DBN1: variants seen among roughly 807,000 people sequenced by gnomAD.
DBN1 encodes the protein drebrin.
Under a neutral mutation model 83.5 loss-of-function variants are expected in DBN1, and 21 were observed. The observed-to-expected ratio is 0.25, with a 90% CI of 0.18 to 0.36. The LOEUF (loss-of-function observed/expected upper bound fraction) is 0.36, where lower values mean the gene tolerates loss of function less well. Ranked by LOEUF, DBN1 falls within the 10% of genes least tolerant of loss-of-function variation. The pLI, the probability that DBN1 is intolerant of heterozygous loss-of-function variation, is 1.00. For synonymous variants in DBN1, 381 were observed against 384.9 expected, an observed-to-expected ratio of 0.99 and a Z score of 0.12; for missense variants, 874 against 935.7, an observed-to-expected ratio of 0.93 and a Z score of 0.86.
At chr5:177,472,037 T>C in intron 1 of DBN1, 1 of 1,480,868 alleles carries the variant, frequency 6.8e-7, no homozygotes, top group Non-Finnish European at 9.1e-7. Context: ...CCTCCCATGA[T>C]CTCAGCCCCC....
At chr5:177,473,341 C>T in intron 1 of DBN1, 95 bp downstream of exon 1, 1 of 724,944 alleles carries the variant, frequency 1.4e-6, no homozygotes, top group South Asian at 3.1e-5. Flanking sequence ...GGGTCCCCCT[C>T]CCTTCCCGGC....
At chr5:177,458,966 G>A in intron 12 of DBN1, 132 bp downstream of exon 12, 1 of 1,448,558 alleles carries the variant, frequency 6.9e-7, no homozygotes, top group South Asian at 1.4e-5. Context: ...TCCCCACACA[G>A]CCGCCTCCAG....
In DBN1 at chr5:177,473,422, G is replaced by A. The variant is rs952039358; in HGVS notation, c.86+14C>T. ...CGGGGACAAAGGGGCCGGGGGCGGG[G>A]GCGGGGGGCTCACCAGTCGGCCGCG... is the stretch of plus-strand genomic sequence containing the variant. On this transcript the variant is annotated intron_variant, in intron 1 of 14. Transcript: ENST00000393565. 2.9e-6 allele frequency: 4 copies of A among 1,369,202 alleles called. No homozygotes were observed. Among genetic ancestry groups the A allele is most frequent in the Admixed American group, 4.7e-5 (2 of 42,168 alleles). The allele number at this position is 1,369,202 out of a possible 1,614,324, so 84.8% of individuals were successfully genotyped here. A position where few individuals can be genotyped will look rare whatever the true frequency, so the allele number is the denominator to read the frequency against.
chr5:177,458,036 C>G lies in DBN1; in HGVS notation c.1914+22G>C, dbSNP rs1271497324. On this transcript the variant is annotated intron_variant, in intron 13 of 14. Coordinates refer to ENST00000393565, the MANE Select transcript of DBN1 (RefSeq NM_001363541.2). The stretch of plus-strand genomic sequence containing the variant: ...AGCCCCCACTCCCTCCCATCCCTCC[C>G]ACCAGGCAGTCCCTGCCGCACCTGG... 2.5e-6 allele frequency: 4 copies of G among 1,613,648 alleles called. No individual in the cohort carries two copies. In the South Asian group the frequency reaches 4.4e-5, roughly 18 times the overall value.
At position 177,467,606 on chromosome 5, in the gene DBN1, C is replaced by T. The variant is rs1318155408; in HGVS notation, c.352G>A (p.Ala118Thr). The T allele has an allele frequency of 1.9e-6, 3 of 1,571,920 alleles. No homozygotes were observed. The highest frequency in any genetic ancestry group is 2.6e-6 in the Non-Finnish European group (3 of 1,158,522). ...GCGTCTATGTCTTCCACGCTGCTGG[C>T]GTTCACGATCACGTCGACACCCTTC... ...FFQGVDVIVN[A>T]SSVEDIDAGA... is the part of the protein sequence containing the mutation. Residue 118 changes from alanine (A) to threonine (T), a missense_variant, in exon 5 of 15, where the codon GCC becomes ACC. By Grantham distance (58) the Ala-to-Thr change is moderately conservative. This residue lies in a region of DBN1 where 65 missense variants were observed against 97.3 expected (regional missense o/e 0.67). Transcript: ENST00000393565. The surrounding 1 kb of genome is among the most constrained non-coding windows in gnomAD (Gnocchi z 9.1).
In DBN1 at chr5:177,467,694, A is replaced by G. The variant is rs1290740907; in HGVS notation, c.330+49T>C. On this transcript the variant is annotated intron_variant, in intron 4 of 14. Coordinates refer to ENST00000393565, the MANE Select transcript of DBN1 (RefSeq NM_001363541.2). The surrounding 1 kb of genome is among the most constrained non-coding windows in gnomAD (Gnocchi z 9.1). ...CCGCCATCCCCACCCCAGCACGCAG[A>G]CCCTGGTGGCTGTCCCCACCCCCAA... The G allele has an allele frequency of 2.6e-6, 4 of 1,553,340 alleles. No individual in the cohort carries two copies. The highest frequency in any genetic ancestry group is 3.5e-6 in the Non-Finnish European group (4 of 1,148,326).
intron 8 of DBN1, among the ~76,000 whole-genome samples, chr5:177,464,597 A>AT (rs1342920675): frequency 7.1e-6 from 1 of 141,350 alleles, no homozygotes; most frequent in East Asian, 2.0e-4. Context: ...ATCTCTACTA[A>AT]AAAGACAATA....
rs1292810738 is a variant in DBN1 at position 177,467,120 on chromosome 5, C to T, written c.556-58G>A. On this transcript the variant is annotated intron_variant, in intron 6 of 14. Coordinates refer to ENST00000393565, the MANE Select transcript of DBN1 (RefSeq NM_001363541.2). The surrounding 1 kb of genome is among the most constrained non-coding windows in gnomAD (Gnocchi z 9.1). ...CGAGCCTAGGCGCCTGGACCCTGCC[C>T]CTCCAGCCCCTCCCTAACCCAGCGC... 1 of 1,610,572 alleles carries T rather than the reference C, an allele frequency of 6.2e-7. No individual in the cohort carries two copies. The highest frequency in any genetic ancestry group is 8.5e-7 in the Non-Finnish European group (1 of 1,178,452).
chr5:177,473,181 G>C (rs1448621216), intron 1 of DBN1: 5 of 152,804 alleles, frequency 3.3e-5, no homozygotes, highest in Non-Finnish European at 7.2e-5. Context: ...CCGCGCCTCC[G>C]GGCCGCGTCC....
At chr5:177,463,261 T>C (rs553983140) in intron 8 of DBN1, among the ~76,000 whole-genome samples, 1 of 152,230 alleles carries the variant, frequency 6.6e-6, no homozygotes, top group Admixed American at 6.5e-5. Context: ...ATGGTCTCGA[T>C]CTCCTGACCT....
rs748209537 is a variant in DBN1 at position 177,457,536 on chromosome 5, C to T, written c.2018-33G>A. On this transcript the variant is annotated intron_variant, in intron 14 of 14. Coordinates refer to ENST00000393565, the MANE Select transcript of DBN1 (RefSeq NM_001363541.2). ...GTTAGAAAGGGAGAGGAGTTAGGGA[C>T]CTAGCAGACCGCTTGTGTCCCCAGC... 3 of 1,603,272 alleles carry T rather than the reference C, an allele frequency of 1.9e-6. No homozygotes were observed. In the African/African-American group the frequency reaches 4.0e-5, roughly 21 times the overall value.
At position 177,458,141 on chromosome 5, in the gene DBN1, C is replaced by T. The variant is rs1453260508; in HGVS notation, c.1831G>A (p.Ala611Thr). 1.2e-6 allele frequency: 2 copies of T among 1,613,222 alleles called. No homozygotes were observed. Among genetic ancestry groups the T allele is most frequent in the South Asian group, 1.1e-5 (1 of 91,068 alleles). Residue 611 changes from alanine to threonine, a missense_variant, in exon 13 of 15, where the codon GCC becomes ACC. This residue lies in a region of DBN1 where 725 missense variants were observed against 719.7 expected (regional missense o/e 1.01). Coordinates refer to ENST00000393565, the MANE Select transcript of DBN1 (RefSeq NM_001363541.2). The part of the protein sequence containing the change: ...AAPQTPTLPS[A>T]LEELEQEQEP... The stretch of plus-strand genomic sequence containing the variant: ...TGCTCTTGCTCCAGCTCCTCAAGGG[C>T]TGAGGGCAGAGTTGGGGTCTGGGGG...
At chr5:177,457,857 G>C in intron 13 of DBN1, 100 bp from the exon 14 acceptor site, 4 of 1,071,490 alleles carry the variant, frequency 3.7e-6, no homozygotes, top group South Asian at 1.4e-5. Flanking sequence ...GATTCCATCA[G>C]TGGTTGCCAG....
rs1238597390 is a variant in DBN1 at position 177,466,703 on chromosome 5, G to A, written c.771+69C>T. ...CCCTGAGCCACTGATCTCCCCACAA[G>A]GCCCAGGAACACAGGGACCATTCTC... On this transcript the variant is annotated intron_variant, in intron 8 of 14. Transcript: ENST00000393565. The surrounding 1 kb of genome is among the most constrained non-coding windows in gnomAD (Gnocchi z 4.8). 1 of 1,563,780 alleles carries A rather than the reference G, an allele frequency of 6.4e-7. No homozygotes were observed. Among genetic ancestry groups the A allele is most frequent in the Non-Finnish European group, 8.8e-7 (1 of 1,134,156 alleles).
chr5:177,463,008 T>C (rs999273434), intron 8 of DBN1, among the ~76,000 whole-genome samples: 1 of 152,018 alleles, frequency 6.6e-6, no homozygotes, highest in Non-Finnish European at 1.5e-5. Flanking sequence ...CTCTGCCTTG[T>C]TCAAAGAAAG....
intron 13 of DBN1, 106 bp downstream of exon 13, chr5:177,457,952 G>T (rs1371940797): frequency 6.7e-7 from 1 of 1,501,920 alleles, no homozygotes; most frequent in South Asian, 1.1e-5. Context: ...AAATAATGTG[G>T]GTCACAGAGA....
intron 13 of DBN1, 54 bp from the exon 14 acceptor site, chr5:177,457,811 C>T (rs1344595898): frequency 8.1e-7 from 1 of 1,235,842 alleles, no homozygotes; most frequent in African/African-American, 1.5e-5. Flanking sequence ...CTGGGGCTGA[C>T]CTATCAGGCC....
chr5:177,465,169 T>TA (rs1757358537), intron 8 of DBN1, among the ~76,000 whole-genome samples: 2 of 152,152 alleles, frequency 1.3e-5, no homozygotes, highest in Non-Finnish European at 2.9e-5. Flanking sequence ...ATTTAAAAAA[T>TA]AAAAAAATTT....
At chr5:177,472,720 C>T (rs887074485) in intron 1 of DBN1, 1 of 923,162 alleles carries the variant, frequency 1.1e-6, no homozygotes, top group African/African-American at 1.8e-5. Flanking sequence ...CTCGGTGCCC[C>T]CCAGCCCAGC....
Sources: gnomAD v4.1 joint callset for allele counts (sites outside exome capture counted in the v4.1 genomes callset) on GRCh38, gnomAD v4.1.1 for gene constraint, gnomAD v4.1.1 regional missense constraint, Gnocchi (gnomAD v3.1) non-coding constraint, MANE v1.5 for transcripts, NCBI Gene and HGNC (gene_info 2026-07-23, HGNC 2026-07-21) for gene names.